The following MGMT variants were observed in gnomAD, a reference collection of about 807,000 sequenced individuals.
MGMT encodes O-6-methylguanine-DNA methyltransferase.
MGMT carries 14 observed loss-of-function variants against 15.9 expected under a neutral mutation model. The observed-to-expected ratio is 0.88, with a 90% CI of 0.58 to 1.37. MGMT has a LOEUF of 1.37. MGMT is among the 40% of genes most tolerant of loss of function. MGMT has a pLI of 0.00. For synonymous variants in MGMT, 130 were observed against 118.2 expected, an observed-to-expected ratio of 1.10 and a Z score of -0.65; for missense variants, 282 against 268.1, an observed-to-expected ratio of 1.05 and a Z score of -0.36.
rs967409838 is a variant in MGMT at position 129,556,570 on chromosome 10, G to T, written c.125+20193G>T. ...CAGCCTCGTCGGTGGGTTTGGTGAT[G>T]CTGTGCAGTTCAGCTTTACCGTCTT... is the stretch of plus-strand genomic sequence containing the variant. On this transcript the variant is annotated intron_variant, in intron 2 of 4. Transcript: ENST00000651593. This position sits in a 1 kb window ranked among gnomAD's most constrained non-coding sequence, Gnocchi z 4.3. Among the ~76,000 whole-genome samples the T allele has an allele frequency of 6.6e-6, 1 of 152,166 alleles. No individual in the cohort carries two copies. The highest frequency in any genetic ancestry group is 1.5e-5 in the Non-Finnish European group (1 of 68,040).
At position 129,506,126 on chromosome 10, in the gene MGMT, G is replaced by T. The variant is rs141340939; in HGVS notation, c.-12-30115G>T. On this transcript the variant is annotated intron_variant, in intron 1 of 4. Transcript: ENST00000651593. ...ATTTGTGGTTGTTACAACTGAGGGG[G>T]TGCTGCCGGCATCCAGTGGGTGGAG... Among the ~76,000 whole-genome samples the T allele has an allele frequency of 4.6e-3, 700 of 152,152 alleles. 7 individuals carry two copies. Among genetic ancestry groups the T allele is most frequent in the African/African-American group, 0.016 (658 of 41,464 alleles).
chr10:129,506,850 T>C (rs995517965), intron 1 of MGMT, among the ~76,000 whole-genome samples: 2 of 152,202 alleles, frequency 1.3e-5, no homozygotes, highest in African/African-American at 4.8e-5. Context: ...TATGAAACTT[T>C]TCTTAGTCCT....
At chr10:129,513,231 C>T (rs1024995500) in intron 1 of MGMT, among the ~76,000 whole-genome samples, 1 of 152,058 alleles carries the variant, frequency 6.6e-6, no homozygotes, top group East Asian at 1.9e-4. Flanking sequence ...ATAGTGGGTG[C>T]TGGGGGGTGG....
chr10:129,578,174 T>C (rs376289085), intron 2 of MGMT, among the ~76,000 whole-genome samples: 1 of 152,310 alleles, frequency 6.6e-6, no homozygotes, highest in East Asian at 1.9e-4. Context: ...CCAGCCATCC[T>C]ATTACTGAGT....
chr10:129,519,148 G>A (rs981978400), intron 1 of MGMT, among the ~76,000 whole-genome samples: 2 of 152,142 alleles, frequency 1.3e-5, no homozygotes, highest in Admixed American at 6.5e-5. Flanking sequence ...AGCTGTCTTC[G>A]AGGGGAAAGG....
rs547333340 is a variant in MGMT, at chr10:129,500,221, G to A, written c.-13+32925G>A. Among the ~76,000 whole-genome samples the A allele has an allele frequency of 3.3e-5, 5 of 152,290 alleles. No homozygotes were observed. The East Asian group carries it at 7.7e-4, about 24-fold the overall frequency. On this transcript the variant is annotated intron_variant, in intron 1 of 4. Transcript: ENST00000651593. ...ATTTGTTCAGAAAGTCCTCATTGGC[G>A]CTGATTTGGGCACCGCCTGGTTTCC...
chr10:129,603,146 T>C (rs1846844987), intron 2 of MGMT, among the ~76,000 whole-genome samples: 1 of 152,252 alleles, frequency 6.6e-6, no homozygotes, highest in East Asian at 1.9e-4. Context: ...GCTAAAATTT[T>C]TAAGTGACAA....
chr10:129,716,086 C>T (rs949770828), intron 3 of MGMT, among the ~76,000 whole-genome samples: 2 of 152,162 alleles, frequency 1.3e-5, no homozygotes, highest in South Asian at 2.1e-4. Flanking sequence ...CTCTGTAGCA[C>T]GTTTTAATTC....
intron 4 of MGMT, among the ~76,000 whole-genome samples, chr10:129,762,039 G>A (rs550289624): frequency 6.6e-6 from 1 of 152,204 alleles, no homozygotes; most frequent in Non-Finnish European, 1.5e-5. Flanking sequence ...AGGATGAAAA[G>A]GTGACCCAGG....
At chr10:129,680,639 C>T (rs1847840660) in intron 2 of MGMT, among the ~76,000 whole-genome samples, 1 of 142,708 alleles carries the variant, frequency 7.0e-6, no homozygotes, top group African/African-American at 2.4e-5. Context: ...GGAGCATGCT[C>T]TCCCCTGGAT....
chr10:129,628,054 A>G lies in MGMT; in HGVS notation c.126-79841A>G, dbSNP rs573236046. On this transcript the variant is annotated intron_variant, in intron 2 of 4. Transcript: ENST00000651593. The stretch of plus-strand genomic sequence containing the variant: ...GTGATAAATATATTTTAGTCCTATT[A>G]ATGAAGAATTGTAACATTTTAGTCC... Among the ~76,000 whole-genome samples the G allele has an allele frequency of 4.7e-4, 72 of 152,278 alleles. No homozygotes were observed. In the South Asian group the frequency reaches 0.013, roughly 28 times the overall value.
intron 2 of MGMT, among the ~76,000 whole-genome samples, chr10:129,706,860 G>A (rs1848169241): frequency 6.6e-6 from 1 of 152,130 alleles, no homozygotes; most frequent in South Asian, 2.1e-4. Flanking sequence ...CCAGGTCGAA[G>A]CCACAGATGA....
intron 2 of MGMT, among the ~76,000 whole-genome samples, chr10:129,674,746 C>G (rs1162441582): frequency 6.6e-6 from 1 of 152,236 alleles, no homozygotes; most frequent in Admixed American, 6.5e-5. Context: ...CTCCCCTGGG[C>G]TCTATCCTGC....
intron 2 of MGMT, among the ~76,000 whole-genome samples, chr10:129,707,635 C>G (rs143396108): frequency 6.6e-6 from 1 of 152,196 alleles, no homozygotes; most frequent in African/African-American, 2.4e-5. Flanking sequence ...CAAAGGGACA[C>G]TGTCACTTGG....
chr10:129,734,665 T>A (rs961479625), intron 3 of MGMT, among the ~76,000 whole-genome samples: 1 of 152,170 alleles, frequency 6.6e-6, no homozygotes, highest in Admixed American at 6.5e-5. Flanking sequence ...GCTTCCAGTT[T>A]TTGCCCATTC....
At chr10:129,555,545 A>G (rs1331099376) in intron 2 of MGMT, among the ~76,000 whole-genome samples, 1 of 151,100 alleles carries the variant, frequency 6.6e-6, no homozygotes, top group Non-Finnish European at 1.5e-5. Flanking sequence ...TGTCTCTACA[A>G]AAAAACTTAA....
intron 1 of MGMT, among the ~76,000 whole-genome samples, chr10:129,504,468 T>C (rs1371547125): frequency 6.6e-6 from 1 of 152,234 alleles, no homozygotes; most frequent in Non-Finnish European, 1.5e-5. Flanking sequence ...TTATGAATTT[T>C]AGATTTGAAT....
chr10:129,495,547 CTTTTTAATTCCTGT>C (rs1564834235), intron 1 of MGMT, among the ~76,000 whole-genome samples: 1 of 152,184 alleles, frequency 6.6e-6, no homozygotes, highest in Non-Finnish European at 1.5e-5. Flanking sequence ...GACTGCTGAA[CTTTTTAATTCCTGT>C]TTGCTTGTAG....
At chr10:129,606,297 A>G (rs1029788738) in intron 2 of MGMT, among the ~76,000 whole-genome samples, 1 of 152,204 alleles carries the variant, frequency 6.6e-6, no homozygotes, top group Admixed American at 6.5e-5. Context: ...GTTCCTGTTT[A>G]TACTTAATGA....
Sources: allele counts gnomAD v4.1 joint callset (sites outside exome capture counted in the v4.1 genomes callset), GRCh38; gene constraint gnomAD v4.1.1; non-coding constraint Gnocchi (gnomAD v3.1); transcripts MANE v1.5; gene names NCBI Gene and HGNC (gene_info 2026-07-23, HGNC 2026-07-21).